The following MSRA variants were observed in gnomAD, a reference collection of about 807,000 sequenced individuals.
The protein encoded by MSRA is methionine sulfoxide reductase A.
In MSRA, 54 loss-of-function variants were observed where a neutral mutation model predicts 31.3. The ratio of observed to expected loss-of-function variants is 1.73; its 90% confidence interval spans 1.39 to 2.17. MSRA has a LOEUF of 2.17. MSRA is among the 30% of genes most tolerant of loss of function. MSRA has a pLI of 0.00. For synonymous variants in MSRA, 169 were observed against 116.5 expected, an observed-to-expected ratio of 1.45 and a Z score of -2.90; for missense variants, 507 against 300.9, an observed-to-expected ratio of 1.69 and a Z score of -5.07.
intron 1 of MSRA, among the ~76,000 whole-genome samples, chr8:10,178,825 A>T (rs1806290989): frequency 6.6e-6 from 1 of 152,192 alleles, no homozygotes; most frequent in African/African-American, 2.4e-5. Context: ...CAGGGAAATA[A>T]AATAACTGTT....
intron 3 of MSRA, among the ~76,000 whole-genome samples, chr8:10,297,205 G>C (rs1166277668): frequency 6.6e-6 from 1 of 152,098 alleles, no homozygotes; most frequent in Non-Finnish European, 1.5e-5. Flanking sequence ...TGGATTGGAT[G>C]CTTCGTCTAA....
At chr8:10,314,512 T>C (rs988281803) in intron 4 of MSRA, among the ~76,000 whole-genome samples, 3 of 152,172 alleles carry the variant, frequency 2.0e-5, no homozygotes, top group African/African-American at 7.2e-5. Context: ...TTTAATGAAT[T>C]GGCAAGCATT....
At chr8:10,347,630 C>A (rs190366630) in intron 5 of MSRA, among the ~76,000 whole-genome samples, 4 of 152,222 alleles carry the variant, frequency 2.6e-5, no homozygotes, top group South Asian at 2.1e-4. Flanking sequence ...CCATCCTCCA[C>A]GCCATCCCAA....
At chr8:10,243,533 G>C (rs376071940) in intron 2 of MSRA, among the ~76,000 whole-genome samples, 16 of 152,148 alleles carry the variant, frequency 1.1e-4, no homozygotes, top group African/African-American at 3.9e-4. Flanking sequence ...GTATAGTGGC[G>C]GGTAACATAA....
intron 5 of MSRA, among the ~76,000 whole-genome samples, chr8:10,406,497 G>A (rs2129186421): frequency 6.6e-6 from 1 of 152,278 alleles, no homozygotes. Flanking sequence ...AAGGGGAGAT[G>A]GGTGTTGGGG....
At chr8:10,134,265 T>C (rs1802103696) in intron 1 of MSRA, among the ~76,000 whole-genome samples, 2 of 152,206 alleles carry the variant, frequency 1.3e-5, no homozygotes, top group African/African-American at 2.4e-5. Context: ...CATGAGCACG[T>C]TGGTTGCTAT....
At position 10,131,190 on chromosome 8, in the gene MSRA, T is replaced by G. The variant is rs76892744; in HGVS notation, c.142+76532T>G. On this transcript the variant is annotated intron_variant, in intron 1 of 5. Coordinates refer to ENST00000317173, the MANE Select transcript of MSRA (RefSeq NM_012331.5). ...GGAATCCTCTGTGGATTCTTCTCTCTGGAAGCTTGCCCTCCAATGTAGGAG... is the reference window on the plus strand; with the variant it reads ...GGAATCCTCTGTGGATTCTTCTCTCGGGAAGCTTGCCCTCCAATGTAGGAG... 3.2e-3 allele frequency among the ~76,000 whole-genome samples: 493 copies of G among 152,350 alleles called. 5 individuals carry two copies. Among genetic ancestry groups the G allele is most frequent in the African/African-American group, 0.011 (478 of 41,580 alleles).
intron 3 of MSRA, among the ~76,000 whole-genome samples, chr8:10,299,377 A>G (rs576536310): frequency 5.3e-5 from 8 of 152,262 alleles, no homozygotes; most frequent in African/African-American, 1.9e-4. Flanking sequence ...TTCAAATTAC[A>G]AAATAATATG....
chr8:10,247,380 C>T (rs1274006931), intron 3 of MSRA, among the ~76,000 whole-genome samples: 2 of 152,146 alleles, frequency 1.3e-5, no homozygotes, highest in Non-Finnish European at 2.9e-5. Flanking sequence ...TCATCATATC[C>T]CAGCCATTCT....
chr8:10,100,554 C>G (rs533716817), intron 1 of MSRA, among the ~76,000 whole-genome samples: 30 of 151,958 alleles, frequency 2.0e-4, no homozygotes, highest in Admixed American at 8.5e-4. Context: ...CAGAAGTGTT[C>G]TAGAGAACAT....
chr8:10,376,733 C>T (rs542705229), intron 5 of MSRA, among the ~76,000 whole-genome samples: 9 of 152,246 alleles, frequency 5.9e-5, no homozygotes, highest in South Asian at 4.2e-4. Flanking sequence ...TACCAGTGTT[C>T]GGTGACCACA....
At chr8:10,427,543 C>T (rs770535762) in intron 5 of MSRA, among the ~76,000 whole-genome samples, 2 of 152,100 alleles carry the variant, frequency 1.3e-5, no homozygotes, top group Non-Finnish European at 2.9e-5. Context: ...CGACCGCCTG[C>T]TCACCAGGAC....
At chr8:10,180,461 G>A (rs1806441723) in intron 1 of MSRA, among the ~76,000 whole-genome samples, 1 of 152,084 alleles carries the variant, frequency 6.6e-6, no homozygotes, top group Admixed American at 6.5e-5. Context: ...TTAAATCACT[G>A]GCCTCTTCCC....
chr8:10,066,538 T>C (rs982150486), intron 1 of MSRA, among the ~76,000 whole-genome samples: 2 of 152,094 alleles, frequency 1.3e-5, no homozygotes, highest in Non-Finnish European at 2.9e-5. Flanking sequence ...GATATATCTG[T>C]TTTTCTTTTT....
At chr8:10,343,304 G>A (rs1428287223) in intron 5 of MSRA, among the ~76,000 whole-genome samples, 2 of 152,162 alleles carry the variant, frequency 1.3e-5, no homozygotes, top group African/African-American at 4.8e-5. Context: ...AGCTAAGATC[G>A]GATGTAATTA....
chr8:10,365,807 G>A (rs1033902981), intron 5 of MSRA, among the ~76,000 whole-genome samples: 3 of 152,200 alleles, frequency 2.0e-5, no homozygotes, highest in African/African-American at 7.2e-5. Flanking sequence ...GCACTCGGAG[G>A]TAGAACACCC....
chr8:10,395,645 G>C (rs1563431952), intron 5 of MSRA, among the ~76,000 whole-genome samples: 1 of 152,134 alleles, frequency 6.6e-6, no homozygotes, highest in African/African-American at 2.4e-5. Flanking sequence ...AACAGTTTTT[G>C]TCATCACTCC....
intron 5 of MSRA, chr8:10,326,561 T>A (rs1206561740): frequency 6.6e-6 from 1 of 152,184 alleles, no homozygotes; most frequent in African/African-American, 2.4e-5. Context: ...ACATGCTGGA[T>A]TCTGCTTACA....
At chr8:10,106,464 CAAT>C (rs1799890314) in intron 1 of MSRA, among the ~76,000 whole-genome samples, 1 of 152,158 alleles carries the variant, frequency 6.6e-6, no homozygotes, top group African/African-American at 2.4e-5. Context: ...AGGAAAACTT[CAAT>C]AAAGAGTATA....
Sources: allele counts gnomAD v4.1 joint callset (sites outside exome capture counted in the v4.1 genomes callset), GRCh38; gene constraint gnomAD v4.1.1; transcripts MANE v1.5; gene names NCBI Gene and HGNC (gene_info 2026-07-23, HGNC 2026-07-21).